The following PREX1 variants were observed in gnomAD, a reference collection of about 807,000 sequenced individuals.
PREX1 encodes the protein phosphatidylinositol-3,4,5-trisphosphate dependent Rac exchange factor 1, also known as phosphatidylinositol 3,4,5-trisphosphate-dependent Rac exchanger 1 protein.
A neutral mutation model predicts 198.3 loss-of-function variants in PREX1; 41 were observed. That is an observed-to-expected ratio of 0.21 (90% CI 0.16 to 0.27). PREX1 has a LOEUF of 0.27. PREX1 is among the 10% of genes least tolerant of loss of function. PREX1 has a pLI of 1.00. For synonymous variants in PREX1, 843 were observed against 887.2 expected (o/e 0.95, Z 0.89); for missense variants, 1,620 against 2,200.7 (o/e 0.74, Z 5.28).
intron 3 of PREX1, among the ~76,000 whole-genome samples, 158 bp from the exon 4 acceptor site, chr20:48,734,808 C>T (rs1478952004): frequency 6.6e-6 from 1 of 152,200 alleles, no homozygotes; most frequent in Non-Finnish European, 1.5e-5. Context: ...GCTCCACTCA[C>T]TACCAGCTTC....
chr20:48,638,253 C>G (rs757569207), intron 30 of PREX1, among the ~76,000 whole-genome samples: 8 of 152,164 alleles, frequency 5.3e-5, no homozygotes, highest in Non-Finnish European at 7.4e-5. Flanking sequence ...ACACCACACA[C>G]GTGCACTCAT....
intron 4 of PREX1, among the ~76,000 whole-genome samples, chr20:48,727,715 A>G (rs911344874): frequency 6.6e-6 from 1 of 152,140 alleles, no homozygotes; most frequent in Admixed American, 6.5e-5. Context: ...GATTGAAACC[A>G]TGATGCCCAT....
chr20:48,855,513 A>G, the PREX1 span, among the ~76,000 whole-genome samples: 2 of 152,194 alleles, frequency 1.3e-5, no homozygotes, highest in South Asian at 2.1e-4. Flanking sequence ...TGTTCCAGTC[A>G]TCTGTTAGGC....
At chr20:48,794,609 G>A (rs1301929010) in intron 1 of PREX1, among the ~76,000 whole-genome samples, 1 of 152,206 alleles carries the variant, frequency 6.6e-6, no homozygotes, top group Non-Finnish European at 1.5e-5. Context: ...CTGCAGAGGA[G>A]GAGGCCGGCT....
intron 5 of PREX1, among the ~76,000 whole-genome samples, chr20:48,718,784 T>C (rs1427378928): frequency 6.6e-6 from 1 of 152,250 alleles, no homozygotes; most frequent in African/African-American, 2.4e-5. Flanking sequence ...ATAACTAATA[T>C]TAAGCACATC....
intron 5 of PREX1, among the ~76,000 whole-genome samples, chr20:48,718,854 T>C (rs2089973602): frequency 6.6e-6 from 1 of 152,228 alleles, no homozygotes; most frequent in Non-Finnish European, 1.5e-5. Context: ...TAGGGCACTA[T>C]TTCACAGGAG....
At chr20:48,781,563 C>T (rs1241205755) in intron 1 of PREX1, among the ~76,000 whole-genome samples, 1 of 152,174 alleles carries the variant, frequency 6.6e-6, no homozygotes, top group East Asian at 1.9e-4. Flanking sequence ...GAACTCTGAA[C>T]TTGGTGCAGA....
At chr20:48,711,738 TTGTTAAAAGCAAC>T (rs1247847798) in intron 5 of PREX1, among the ~76,000 whole-genome samples, 1 of 152,226 alleles carries the variant, frequency 6.6e-6, no homozygotes, top group Non-Finnish European at 1.5e-5. Context: ...TGCTGGCCCT[TTGTTAAAAGCAAC>T]AGAACTGATT....
chr20:48,880,981 T>TAAAAAAAAAAAAAAAAAAAAA, the PREX1 span, among the ~76,000 whole-genome samples: 3 of 20,968 alleles, frequency 1.4e-4, no homozygotes, highest in Admixed American at 7.0e-4. Flanking sequence ...AAACCATTGC[T>TAAAAAAAAAAAAAAAAAAAAA]AAAAAAAAAA....
chr20:48,783,896 A>C (rs1333215914), intron 1 of PREX1, among the ~76,000 whole-genome samples: 1 of 152,202 alleles, frequency 6.6e-6, no homozygotes, highest in East Asian at 1.9e-4. Context: ...CTCACCTGCT[A>C]ATGTCCCCTC....
At chr20:48,710,641 G>C (rs952140178) in intron 5 of PREX1, among the ~76,000 whole-genome samples, 2 of 152,228 alleles carry the variant, frequency 1.3e-5, no homozygotes, top group African/African-American at 4.8e-5. Flanking sequence ...TTTTCAGACA[G>C]TTAAGTACAA....
chr20:48,719,858 T>G (rs74614740), intron 5 of PREX1, among the ~76,000 whole-genome samples: 1 of 152,032 alleles, frequency 6.6e-6, no homozygotes, highest in Non-Finnish European at 1.5e-5. Context: ...CCATTAGAAC[T>G]AAGGCAGATC....
chr20:48,626,759 G>C (rs2089275964), intron 39 of PREX1, among the ~76,000 whole-genome samples: 1 of 152,250 alleles, frequency 6.6e-6, no homozygotes, highest in East Asian at 1.9e-4. Flanking sequence ...CGCTGGCGGG[G>C]AGCTGCCTGA....
chr20:48,671,450 A>G (rs1395663382), intron 14 of PREX1, among the ~76,000 whole-genome samples: 3 of 152,244 alleles, frequency 2.0e-5, no homozygotes, highest in African/African-American at 7.2e-5. Context: ...ACTCCAGACA[A>G]TAAATTATGT....
intron 1 of PREX1, among the ~76,000 whole-genome samples, chr20:48,793,937 A>T (rs1201408332): frequency 6.6e-6 from 1 of 152,234 alleles, no homozygotes; most frequent in Non-Finnish European, 1.5e-5. Context: ...ATGTCAAAGC[A>T]AGTGGCTCAG....
intron 6 of PREX1, among the ~76,000 whole-genome samples, chr20:48,703,514 C>T (rs755564728): frequency 2.0e-5 from 3 of 152,210 alleles, no homozygotes; most frequent in South Asian, 2.1e-4. Flanking sequence ...ATGGCCCATG[C>T]GCAGCACACG....
chr20:48,869,882 CA>C, the PREX1 span, among the ~76,000 whole-genome samples: 1 of 152,262 alleles, frequency 6.6e-6, no homozygotes, highest in East Asian at 1.9e-4. Context: ...TTAGGACAAA[CA>C]CCTAATGCAC....
chr20:48,795,230 C>T (rs1349473428), intron 1 of PREX1, among the ~76,000 whole-genome samples: 1 of 152,138 alleles, frequency 6.6e-6, no homozygotes, highest in Non-Finnish European at 1.5e-5. Context: ...GGTTCTGCCA[C>T]GTATTTGCTG....
chr20:48,827,584 C>T lies in PREX1; in HGVS notation c.219+58G>A. Reference sequence around the variant, plus strand: ...GACCACGGCCACAGGTTGTGGGGACCGCAGCGGGGCGAGCGGCTGGAGGGA... The same window carrying T: ...GACCACGGCCACAGGTTGTGGGGACTGCAGCGGGGCGAGCGGCTGGAGGGA... On this transcript the variant is annotated intron_variant, in intron 1 of 39. Coordinates refer to ENST00000371941, the MANE Select transcript of PREX1 (RefSeq NM_020820.4). This position sits in a 1 kb window ranked among gnomAD's most constrained non-coding sequence, Gnocchi z 4.1. 1 of 1,165,864 alleles carries T rather than the reference C, an allele frequency of 8.6e-7. No homozygotes were observed. The highest frequency in any genetic ancestry group is 1.1e-6 in the Non-Finnish European group (1 of 922,676). The allele number at this position is 1,165,864 out of a possible 1,614,324, so 72.2% of individuals were successfully genotyped here. A position where few individuals can be genotyped will look rare whatever the true frequency, so the allele number is the denominator to read the frequency against.
Sources: allele counts gnomAD v4.1 joint callset (sites outside exome capture counted in the v4.1 genomes callset), GRCh38; gene constraint gnomAD v4.1.1; non-coding constraint Gnocchi (gnomAD v3.1); transcripts MANE v1.5; gene names NCBI Gene and HGNC (gene_info 2026-07-23, HGNC 2026-07-21).